Variants in MCF2L2 observed in about 807,000 individuals in gnomAD.
MCF2L2 encodes the protein MCF.2 cell line derived transforming sequence-like 2, also known as probable guanine nucleotide exchange factor MCF2L2.
MCF2L2 carries 102 observed loss-of-function variants against 150.2 expected under a neutral mutation model. That is an observed-to-expected ratio of 0.68 (90% CI 0.58 to 0.80). MCF2L2 has a LOEUF of 0.80. Ranked by LOEUF, MCF2L2 falls within the 30% of genes least tolerant of loss-of-function variation. MCF2L2 has a pLI of 0.00. For missense variants in MCF2L2, 1,256 were observed against 1,372.8 expected, an observed-to-expected ratio of 0.91 and a Z score of 1.34; for synonymous variants, 465 against 491.3, an observed-to-expected ratio of 0.95 and a Z score of 0.71.
intron 3 of MCF2L2, among the ~76,000 whole-genome samples, chr3:183,342,626 G>A (rs1489204377): frequency 1.6e-4 from 2 of 12,184 alleles, no homozygotes; most frequent in African/African-American, 8.1e-4. Context: ...TTAAATGTGT[G>A]TGTGTGTGTG....
rs1560021466 is a variant in MCF2L2 at position 183,323,260 on chromosome 3, T to C, written c.578A>G (p.His193Arg). The change falls in exon 6 of 30, where the codon CAC (histidine) becomes CGC (arginine). Residue 193 changes from histidine to arginine, a missense_variant. Physicochemically the swap from His to Arg is conservative, Grantham distance 29 (BLOSUM62 0). Coordinates refer to ENST00000328913, the MANE Select transcript of MCF2L2 (RefSeq NM_015078.4). Reference sequence around the variant, plus strand: ...AGTGCGGTGATTTACCCACTGACCGTGGCGATATTCCAAAGTCCCCCCTAA... The same window carrying C: ...AGTGCGGTGATTTACCCACTGACCGCGGCGATATTCCAAAGTCCCCCCTAA... ...RELGGTLEYR[H>R]GQWVNHRTAI... 2 of 1,613,432 alleles carry C rather than the reference T, an allele frequency of 1.2e-6. No individual in the cohort carries two copies. The highest frequency in any genetic ancestry group is 3.3e-5 in the Admixed American group (2 of 60,024).
At chr3:183,180,837 A>G (rs140044023) in intron 27 of MCF2L2, among the ~76,000 whole-genome samples, 4 of 152,236 alleles carry the variant, frequency 2.6e-5, no homozygotes, top group Non-Finnish European at 5.9e-5. Context: ...AGTTGGGGAA[A>G]CAGACAGCAA....
At chr3:183,397,796 T>C (rs947468546) in intron 1 of MCF2L2, among the ~76,000 whole-genome samples, 3 of 152,210 alleles carry the variant, frequency 2.0e-5, no homozygotes, top group South Asian at 2.1e-4. Flanking sequence ...TAAGGTAATA[T>C]TAACACAAGT....
intron 3 of MCF2L2, among the ~76,000 whole-genome samples, chr3:183,343,327 CAAAT>C (rs1730773097): frequency 6.6e-6 from 1 of 150,706 alleles, no homozygotes; most frequent in African/African-American, 2.4e-5. Context: ...AATAGGCAGG[CAAAT>C]GAATGAATCT....
At chr3:183,370,201 T>C (rs1712783160) in intron 3 of MCF2L2, among the ~76,000 whole-genome samples, 1 of 152,234 alleles carries the variant, frequency 6.6e-6, no homozygotes, top group East Asian at 1.9e-4. Flanking sequence ...GTCTTCCCAT[T>C]TGTCGAGCTT....
rs1443061835 is a variant in MCF2L2, at chr3:183,224,209, G to C, written c.2116-19C>G. 6.5e-7 allele frequency: 1 copy of C among 1,527,230 alleles called. No individual in the cohort carries two copies. The highest frequency in any genetic ancestry group is 1.4e-5 in the African/African-American group (1 of 73,080). The allele number at this position is 1,527,230 out of a possible 1,614,324, so 94.6% of individuals were successfully genotyped here. ...CTTCTTTCTAGGTGGGAAAAAATTA[G>C]AATAAATTAATCAGGCAGCATTTTT... On this transcript the variant is annotated intron_variant, in intron 18 of 29. Coordinates refer to ENST00000328913, the MANE Select transcript of MCF2L2 (RefSeq NM_015078.4).
rs745896636 is a variant in MCF2L2, at chr3:183,206,230, A to T, written c.2713-16T>A. On this transcript the variant is annotated splice_polypyrimidine_tract_variant and intron_variant, in intron 23 of 29. Transcript: ENST00000328913. The stretch of plus-strand genomic sequence containing the variant: ...GTGTCATCAGCTATTATAAAGAGGG[A>T]AGAGAAATGTTCTATACCATCGTTT... 6.3e-7 allele frequency: 1 copy of T among 1,575,164 alleles called. No homozygotes were observed. The highest frequency in any genetic ancestry group is 8.7e-7 in the Non-Finnish European group (1 of 1,144,490).
chr3:183,283,351 C>T lies in MCF2L2; in HGVS notation c.1776+5769G>A, dbSNP rs1227024894. ...CTTCGTAATACACAGGTGCCCTCCT[C>T]CTCCTGTCAACATTCCTCAACCAAA... On this transcript the variant is annotated intron_variant, in intron 14 of 29. Transcript: ENST00000328913. The surrounding 1 kb of genome is among the most constrained non-coding windows in gnomAD (Gnocchi z 4.2). 1.3e-5 allele frequency among the ~76,000 whole-genome samples: 2 copies of T among 152,122 alleles called. No individual in the cohort carries two copies. The highest frequency in any genetic ancestry group is 2.9e-5 in the Non-Finnish European group (2 of 68,020).
At chr3:183,271,019 GTAAAA>G (rs1422764784) in intron 15 of MCF2L2, 10 of 1,267,554 alleles carry the variant, frequency 7.9e-6, no homozygotes, top group Non-Finnish European at 1.1e-5. Flanking sequence ...TATACCCTAA[GTAAAA>G]TGAGGACGAA....
At chr3:183,330,839 C>A (rs12630205) in intron 5 of MCF2L2, among the ~76,000 whole-genome samples, 114 of 152,002 alleles carry the variant, frequency 7.5e-4, no homozygotes, top group African/African-American at 2.7e-3. Flanking sequence ...TTTTTTCTGT[C>A]TTTTCTTGGA....
chr3:183,269,230 C>CTTTTTTTTTTTTTTTTTTTTTTTTTTTTT lies in MCF2L2; in HGVS notation c.1862+7641_1862+7642insAAAAAAAAAAAAAAAAAAAAAAAAAAAAA, dbSNP rs60835895. On this transcript the variant is annotated intron_variant, in intron 15 of 29. Coordinates refer to ENST00000328913, the MANE Select transcript of MCF2L2 (RefSeq NM_015078.4). ...TACACGATTATAGCCGTTTGGGAAGCTTTTTTTTTTTTTTTTTTAAGAGTA... is the reference window on the plus strand; with the variant it reads ...TACACGATTATAGCCGTTTGGGAAGCTTTTTTTTTTTTTTTTTTTTTTTTTTTTTTTTTTTTTTTTTTTTTTTAAGAGTA... 1.1e-4 allele frequency among the ~76,000 whole-genome samples: 9 copies of CTTTTTTTTTTTTTTTTTTTTTTTTTTTTT among 81,004 alleles called. 3 individuals are homozygous for CTTTTTTTTTTTTTTTTTTTTTTTTTTTTT. Among genetic ancestry groups the CTTTTTTTTTTTTTTTTTTTTTTTTTTTTT allele is most frequent in the African/African-American group, 5.7e-4 (9 of 15,758 alleles). 53.1% of individuals were successfully genotyped at this position (81,004 alleles called of 152,430 possible).
At chr3:183,410,519 G>A (rs143262044) in intron 1 of MCF2L2, among the ~76,000 whole-genome samples, 26 of 152,232 alleles carry the variant, frequency 1.7e-4, no homozygotes, top group Non-Finnish European at 2.6e-4. Context: ...CCATATGCCC[G>A]GGCCAGTGCC....
At chr3:183,404,689 C>T (rs755319446) in intron 1 of MCF2L2, among the ~76,000 whole-genome samples, 14 of 152,124 alleles carry the variant, frequency 9.2e-5, no homozygotes, top group African/African-American at 2.2e-4. Flanking sequence ...GGTGAAACCC[C>T]GTCTCTACTA....
At chr3:183,194,881 A>T (rs1419998605) in intron 26 of MCF2L2, among the ~76,000 whole-genome samples, 1 of 152,146 alleles carries the variant, frequency 6.6e-6, no homozygotes, top group African/African-American at 2.4e-5. Context: ...TCCTGGGCTC[A>T]AGTGATCCTC....
chr3:183,359,089 G>T lies in MCF2L2; in HGVS notation c.276-17459C>A, dbSNP rs909532173. Among the ~76,000 whole-genome samples the T allele has an allele frequency of 2.4e-4, 37 of 151,296 alleles. 1 individual carries two copies. Among genetic ancestry groups the T allele is most frequent in the African/African-American group, 9.0e-4 (37 of 41,088 alleles). ...CATTGACAAGTTTGCCAAGGTCACT[G>T]CTGATGAAAATTTGATGCCAGAATA... On this transcript the variant is annotated intron_variant, in intron 3 of 29. Coordinates refer to ENST00000328913, the MANE Select transcript of MCF2L2 (RefSeq NM_015078.4).
chr3:183,371,899 T>G (rs768907458), intron 3 of MCF2L2: 11 of 152,170 alleles, frequency 7.2e-5, no homozygotes, highest in Non-Finnish European at 1.5e-4. Flanking sequence ...GATAGGCGTT[T>G]GTTTCACAGG....
chr3:183,207,553 G>T, intron 23 of MCF2L2, 55 bp downstream of exon 23: 1 of 1,358,522 alleles, frequency 7.4e-7, no homozygotes, highest in Non-Finnish European at 1.0e-6. Flanking sequence ...TAAGGAAAAC[G>T]ATCTCTCTCT....
intron 1 of MCF2L2, among the ~76,000 whole-genome samples, chr3:183,427,134 T>C (rs979406253): frequency 1.3e-5 from 2 of 152,172 alleles, no homozygotes. Context: ...TGAACCTGAA[T>C]GTGTGTCTTT....
intron 1 of MCF2L2, among the ~76,000 whole-genome samples, chr3:183,422,313 TA>T (rs1715927226): frequency 6.6e-6 from 1 of 152,214 alleles, no homozygotes; most frequent in Non-Finnish European, 1.5e-5. Context: ...CAGTTTTAGC[TA>T]AAGTCAGTTA....
Sources: gnomAD v4.1 joint callset for allele counts (sites outside exome capture counted in the v4.1 genomes callset) on GRCh38, gnomAD v4.1.1 for gene constraint, Gnocchi (gnomAD v3.1) non-coding constraint, MANE v1.5 for transcripts, NCBI Gene and HGNC (gene_info 2026-07-23, HGNC 2026-07-21) for gene names.